The following CANT1 variants were observed in gnomAD, a reference collection of about 807,000 sequenced individuals.
CANT1 encodes the protein soluble calcium-activated nucleotidase 1.
In CANT1, 26 loss-of-function variants were observed where a neutral mutation model predicts 30.0. The ratio of observed to expected loss-of-function variants is 0.87; its 90% CI spans 0.64 to 1.20. CANT1 has a LOEUF of 1.20. CANT1 is among the 50% of genes most tolerant of loss of function. The pLI is 0.00. For synonymous variants in CANT1, 246 were observed against 251.8 expected (o/e 0.98, Z 0.22); for missense variants, 518 against 563.0 (o/e 0.92, Z 0.81).
intron 1 of CANT1, among the ~76,000 whole-genome samples, chr17:79,009,013 G>A (rs2071647145): frequency 6.6e-6 from 1 of 152,204 alleles, no homozygotes; most frequent in Admixed American, 6.5e-5. Context: ...ACCCTGCATA[G>A]ACCAGAGGAG....
intron 1 of CANT1, among the ~76,000 whole-genome samples, chr17:79,003,255 AC>A (rs1244067934): frequency 3.3e-5 from 5 of 151,994 alleles, no homozygotes; most frequent in Admixed American, 3.3e-4. Context: ...GCACCAGAAC[AC>A]CTTCCCTTGG....
In CANT1 at chr17:78,996,886, T is replaced by A; in HGVS notation, c.631+106A>T. On this transcript the variant is annotated intron_variant, in intron 3 of 4. Transcript: ENST00000392446. This position sits in a 1 kb window ranked among gnomAD's most constrained non-coding sequence, Gnocchi z 5.1. ...GAGACGTGCTCCCTCACCACATCCC[T>A]GGCTTCTAGGTGTGTGAATTCTTTA... is the stretch of plus-strand genomic sequence containing the variant. The A allele has an allele frequency of 6.7e-7, 1 of 1,501,130 alleles. No homozygotes were observed. Among genetic ancestry groups the A allele is most frequent in the Non-Finnish European group, 9.2e-7 (1 of 1,089,914 alleles). 93.0% of individuals were successfully genotyped at this position (1,501,130 alleles called of 1,614,324 possible). A position where few individuals can be genotyped will look rare whatever the true frequency, so the allele number is the denominator to read the frequency against.
chr17:79,003,079 CT>C (rs2071323810), intron 1 of CANT1, among the ~76,000 whole-genome samples: 2 of 151,050 alleles, frequency 1.3e-5, no homozygotes, highest in Admixed American at 1.3e-4. Flanking sequence ...GGGAGACAGA[CT>C]TTGAACAGTC....
In CANT1 at chr17:78,992,733, C is replaced by A. The variant is rs747431337; in HGVS notation, c.*817G>T. 1.0e-5 allele frequency: 6 copies of A among 596,638 alleles called. No individual in the cohort carries two copies. Among genetic ancestry groups the A allele is most frequent in the South Asian group, 7.0e-5 (5 of 71,856 alleles). The allele number at this position is 596,638 out of a possible 1,614,324, so 37.0% of individuals were successfully genotyped here. A position where few individuals can be genotyped will look rare whatever the true frequency, so the allele number is the denominator to read the frequency against. On this transcript the variant is annotated 3_prime_UTR_variant, in exon 5 of 5. Coordinates refer to ENST00000392446, the MANE Select transcript of CANT1 (RefSeq NM_001159773.2). ...CATGTGAGACTTGCTTCACCAGCCG[C>A]CACCGCTTCCTTACAATCTCCCGCA... is the stretch of plus-strand genomic sequence containing the variant.
chr17:79,003,233 C>T (rs2071330481), intron 1 of CANT1, among the ~76,000 whole-genome samples: 1 of 152,166 alleles, frequency 6.6e-6, no homozygotes, highest in Admixed American at 6.5e-5. Flanking sequence ...CCAGAAAATT[C>T]CTTTAACTTC....
intron 1 of CANT1, among the ~76,000 whole-genome samples, chr17:79,003,367 A>ACTGGCTGCCGGGGTGC (rs976279165): frequency 6.1e-5 from 9 of 148,280 alleles, no homozygotes; most frequent in African/African-American, 2.3e-4. Flanking sequence ...ATGAGCTACC[A>ACTGGCTGCCGGGGTGC]CTGGCTGCCG....
In CANT1 at chr17:78,997,576, T is replaced by C. The variant is rs1349567883; in HGVS notation, c.47A>G (p.His16Arg). 1.9e-6 allele frequency: 3 copies of C among 1,562,360 alleles called. No individual in the cohort carries two copies. The highest frequency in any genetic ancestry group is 1.7e-6 in the Non-Finnish European group (2 of 1,154,102). The part of the protein sequence containing the change: ...SEHPEWNESM[H>R]SLRISVGGLP... ...GCCCCCCACACTGATCCGGAGGGAGTGCATAGACTCATTCCATTCCGGGTG... is the reference window on the plus strand; with the variant it reads ...GCCCCCCACACTGATCCGGAGGGAGCGCATAGACTCATTCCATTCCGGGTG... Residue 16 changes from histidine (H) to arginine (R), a missense_variant, in exon 3 of 5, where the codon CAC becomes CGC. Coordinates refer to ENST00000392446, the MANE Select transcript of CANT1 (RefSeq NM_001159773.2). The surrounding 1 kb of genome is among the most constrained non-coding windows in gnomAD (Gnocchi z 7.5).
In CANT1 at chr17:78,995,038, G is replaced by A; in HGVS notation, c.815C>T (p.Ala272Val). ...CTTACCTGGCGGCTGGATGCCGGCA[G>A]CAGCCCGCAGGGCGTTGTAGTTGGA... Reference protein sequence around the residue: ...WVSNYNALRAAAGIQPPGYLI... With the variant: ...WVSNYNALRAVAGIQPPGYLI... Residue 272 changes from alanine (A) to valine (V), a missense_variant, in exon 4 of 5, where the codon GCT (alanine) becomes GTT (valine). Ala to Val is a moderately conservative substitution (Grantham distance 64). This residue lies in a region of CANT1 where 221 missense variants were observed against 211.8 expected (regional missense o/e 1.04). Transcript: ENST00000392446. The surrounding 1 kb of genome is among the most constrained non-coding windows in gnomAD (Gnocchi z 5.7). 6.3e-7 allele frequency: 1 copy of A among 1,582,428 alleles called. No individual in the cohort carries two copies. The highest frequency in any genetic ancestry group is 8.6e-7 in the Non-Finnish European group (1 of 1,164,488).
chr17:78,997,089 G>A lies in CANT1; in HGVS notation c.534C>T (p.Tyr178=). Residue 178 remains tyrosine (Y), a synonymous_variant, in exon 3 of 5, where the codon TAC becomes TAT. Transcript: ENST00000392446. The surrounding 1 kb of genome is among the most constrained non-coding windows in gnomAD (Gnocchi z 7.5). ...CGACCCCCGTCCGGTCATCCACGGA[G>A]TAGAGTTTCCCATTGAAAACAATCA... ...SDLIVFNGKL[Y]SVDDRTGVVY... 3.7e-6 allele frequency: 6 copies of A among 1,614,216 alleles called. No homozygotes were observed. Among genetic ancestry groups the A allele is most frequent in the Non-Finnish European group, 5.1e-6 (6 of 1,180,056 alleles).
chr17:79,007,055 C>T (rs548543191), intron 1 of CANT1, among the ~76,000 whole-genome samples: 2 of 152,352 alleles, frequency 1.3e-5, no homozygotes, highest in Admixed American at 1.3e-4. Context: ...CCCATAAAAC[C>T]ATCCCAGAGG....
intron 1 of CANT1, among the ~76,000 whole-genome samples, chr17:79,006,387 CTACTTT>C (rs144170035): frequency 0.15 from 23,463 of 152,096 alleles, 2,328 homozygotes; most frequent in Non-Finnish European, 0.22. Flanking sequence ...GATCATCTCA[CTACTTT>C]AAGGCCGGCT....
Position 78,993,383 on chromosome 17 carries a change from C to A in CANT1, c.*167G>T, listed in dbSNP as rs956974134. ...AGTTCAGACCGCGGCCTCCGTGGGG[C>A]CCGGGGGTCCAGTGCCCGCACCACT... On this transcript the variant is annotated 3_prime_UTR_variant, in exon 5 of 5. Coordinates refer to ENST00000392446, the MANE Select transcript of CANT1 (RefSeq NM_001159773.2). This position sits in a 1 kb window ranked among gnomAD's most constrained non-coding sequence, Gnocchi z 4.5. The A allele has an allele frequency of 1.0e-6, 1 of 969,780 alleles. No individual in the cohort carries two copies. The highest frequency in any genetic ancestry group is 1.6e-5 in the African/African-American group (1 of 61,406). 60.1% of individuals were successfully genotyped at this position (969,780 alleles called of 1,614,324 possible).
At chr17:79,001,449 AT>A (rs755896002) in intron 1 of CANT1, among the ~76,000 whole-genome samples, 28 of 151,880 alleles carry the variant, frequency 1.8e-4, no homozygotes, top group Non-Finnish European at 3.4e-4. Context: ...CCTTGTCACC[AT>A]TTTACCTCCA....
chr17:78,997,617 G>C lies in CANT1; in HGVS notation c.6C>G (p.Pro2=). The change falls in exon 3 of 5, where the codon CCC becomes CCG. Residue 2 remains proline, a synonymous_variant. Transcript: ENST00000392446. This position sits in a 1 kb window ranked among gnomAD's most constrained non-coding sequence, Gnocchi z 7.5. ...ATTCCGGGTGCTCAGACAGCTGCACGGGCATCAGCGTGACAGACAGGCGGG... is the reference window on the plus strand; with the variant it reads ...ATTCCGGGTGCTCAGACAGCTGCACCGGCATCAGCGTGACAGACAGGCGGG... M[P]VQLSEHPEWN... 6.4e-7 allele frequency: 1 copy of C among 1,568,886 alleles called. No homozygotes were observed.
intron 1 of CANT1, among the ~76,000 whole-genome samples, chr17:78,999,207 AC>A (rs1047758400): frequency 3.3e-5 from 5 of 151,904 alleles, no homozygotes; most frequent in Non-Finnish European, 7.4e-5. Context: ...TCCTAACAGC[AC>A]AGGGGGGCTG....
chr17:79,007,112 C>T (rs970381162), intron 1 of CANT1, among the ~76,000 whole-genome samples: 1 of 152,242 alleles, frequency 6.6e-6, no homozygotes, highest in Non-Finnish European at 1.5e-5. Context: ...CTCCACATGA[C>T]CACTGCACGC....
intron 1 of CANT1, among the ~76,000 whole-genome samples, chr17:78,999,396 T>G (rs2071161167): frequency 1.3e-5 from 2 of 152,130 alleles, no homozygotes; most frequent in South Asian, 4.1e-4. Context: ...CCTTTTCTAG[T>G]CCCAAGGCCT....
In CANT1 at chr17:78,995,275, C is replaced by T. The variant is rs2070994817; in HGVS notation, c.632-54G>A. ...GCACCCAGCTCCCGCCGCACCCCTG[C>T]ACCTGGCTCCCACCCGGCCCCGCAC... On this transcript the variant is annotated intron_variant, in intron 3 of 4. Transcript: ENST00000392446. This position sits in a 1 kb window ranked among gnomAD's most constrained non-coding sequence, Gnocchi z 5.7. The T allele has an allele frequency of 1.3e-6, 2 of 1,570,238 alleles. No individual in the cohort carries two copies. Among genetic ancestry groups the T allele is most frequent in the Non-Finnish European group, 8.7e-7 (1 of 1,153,196 alleles).
At chr17:78,994,588 A>G (rs747483593) in intron 4 of CANT1, among the ~76,000 whole-genome samples, 2 of 152,224 alleles carry the variant, frequency 1.3e-5, no homozygotes, top group Non-Finnish European at 2.9e-5. Flanking sequence ...AGCCACCATC[A>G]GAGGCAACCA....
Sources: allele counts gnomAD v4.1 joint callset (sites outside exome capture counted in the v4.1 genomes callset), GRCh38; gene constraint gnomAD v4.1.1; regional missense constraint gnomAD v4.1.1; non-coding constraint Gnocchi (gnomAD v3.1); transcripts MANE v1.5; gene names NCBI Gene and HGNC (gene_info 2026-07-23, HGNC 2026-07-21).